The following ZNF331 variants were observed in gnomAD, a reference collection of about 807,000 sequenced individuals.
ZNF331 encodes the protein C2H2-like zinc finger protein rearranged in thyroid adenomas.
ZNF331 carries 2 observed loss-of-function variants against 7.0 expected under a neutral mutation model. The observed-to-expected ratio is 0.29, with a 90% CI of 0.12 to 0.90. The LOEUF is 0.90. Among genes scored for constraint, ZNF331 ranks in the 40% least tolerant of loss-of-function variants. The pLI, the probability that ZNF331 is intolerant of heterozygous loss-of-function variation, is 0.58. For missense variants in ZNF331, 432 were observed against 587.7 expected, an observed-to-expected ratio of 0.74 and a Z score of 2.74; for synonymous variants, 196 against 205.4, an observed-to-expected ratio of 0.95 and a Z score of 0.39.
At chr19:53,503,452 T>C in the ZNF331 span, 8 of 631,358 alleles carry the variant, frequency 1.3e-5, no homozygotes, top group Non-Finnish European at 2.3e-5. Flanking sequence ...CTTGGAATCC[T>C]GGGGATTTCT....
chr19:53,569,322 T>C lies in ZNF331; in HGVS notation c.-55T>C. 6.2e-7 allele frequency: 1 copy of C among 1,606,640 alleles called. No individual in the cohort carries two copies. Among genetic ancestry groups the C allele is most frequent in the South Asian group, 1.1e-5 (1 of 90,532 alleles). ...CCCCTAGCTCTAGCCTCTCGGAATT[T>C]GTCTTCTTCAGTGGAAACCCCGAGA... is the stretch of plus-strand genomic sequence containing the variant. On this transcript the variant is annotated 5_prime_UTR_variant, in exon 4 of 6. Transcript: ENST00000449416.
chr19:53,534,754 C>T (rs192775313), upstream of ZNF331, among the ~76,000 whole-genome samples: 81 of 152,198 alleles, frequency 5.3e-4, no homozygotes, highest in African/African-American at 1.8e-3. Flanking sequence ...GGGTAATCTC[C>T]GTATCTGAAG....
upstream of ZNF331, among the ~76,000 whole-genome samples, chr19:53,536,760 G>A (rs1280641307): frequency 1.3e-5 from 2 of 152,096 alleles, no homozygotes; most frequent in Non-Finnish European, 2.9e-5. Flanking sequence ...AAAATTAGCC[G>A]GGCGTGGTAG....
Position 53,564,031 on chromosome 19 carries a change from C to CA in ZNF331, c.-73-5249dup, listed in dbSNP as rs57538972. On this transcript the variant is annotated intron_variant, in intron 3 of 5. Transcript: ENST00000449416. ...CTGGCGACAGAGCGAGACTTCATCTCAAAAAAAAAAAAAAAAAAAAAAAAG... is the reference window on the plus strand; with the variant it reads ...CTGGCGACAGAGCGAGACTTCATCTCAAAAAAAAAAAAAAAAAAAAAAAAAG... Among the ~76,000 whole-genome samples the CA allele has an allele frequency of 6.1e-3, 461 of 75,394 alleles. 1 individual carries two copies. The highest frequency in any genetic ancestry group is 8.2e-3 in the African/African-American group (137 of 16,686). 49.5% of individuals were successfully genotyped at this position (75,394 alleles called of 152,430 possible).
At chr19:53,523,941 G>A (rs979532938) in intron 2 of ZNF331, among the ~76,000 whole-genome samples, 2 of 152,124 alleles carry the variant, frequency 1.3e-5, no homozygotes, top group African/African-American at 4.8e-5. Context: ...GGGCCCTGGT[G>A]TGTGATATTC....
At chr19:53,536,813 G>A (rs995874830), upstream of ZNF331, among the ~76,000 whole-genome samples, 1 of 152,192 alleles carries the variant, frequency 6.6e-6, no homozygotes, top group Admixed American at 6.5e-5. Flanking sequence ...TGACGCAGGA[G>A]AACCCCTTGA....
In ZNF331 at chr19:53,577,663, A is replaced by G. The variant is rs1275053580; in HGVS notation, c.1103A>G (p.Tyr368Cys). 1.9e-6 allele frequency: 3 copies of G among 1,614,118 alleles called. No homozygotes were observed. The highest frequency in any genetic ancestry group is 2.2e-5 in the East Asian group (1 of 44,856). The change falls in exon 6 of 6, where the codon TAT (tyrosine) becomes TGT (cysteine). Residue 368 changes from tyrosine (Y) to cysteine (C), a missense_variant. Physicochemically the swap from Tyr to Cys is radical, Grantham distance 194. Coordinates refer to ENST00000449416, the MANE Select transcript of ZNF331 (RefSeq NM_001079906.2). Reference sequence around the variant, plus strand: ...TGTGGGAAGGCCTTCAATTGTGGCTATCACCTCACTCAGCACGAGAGAATC... The same window carrying G: ...TGTGGGAAGGCCTTCAATTGTGGCTGTCACCTCACTCAGCACGAGAGAATC... ...TECGKAFNCG[Y>C]HLTQHERIHT...
upstream of ZNF331, among the ~76,000 whole-genome samples, chr19:53,519,605 C>T (rs371615549): frequency 2.6e-5 from 4 of 152,188 alleles, no homozygotes; most frequent in Non-Finnish European, 5.9e-5. Flanking sequence ...AATATCCTGC[C>T]GGGCAGCAAG....
the ZNF331 span, among the ~76,000 whole-genome samples, chr19:53,510,714 T>C: frequency 1.3e-5 from 2 of 152,160 alleles, no homozygotes; most frequent in African/African-American, 2.4e-5. Context: ...CAACTGAATG[T>C]ATCTATATTT....
chr19:53,555,716 G>T (rs745624852), intron 2 of ZNF331, 129 bp from the exon 3 acceptor site: 2 of 152,148 alleles, frequency 1.3e-5, no homozygotes, highest in African/African-American at 4.8e-5. Flanking sequence ...GCAGCTCCAC[G>T]CTTCATCATC....
intron 5 of ZNF331, among the ~76,000 whole-genome samples, chr19:53,574,302 C>T (rs6509795): frequency 0.1 from 15,724 of 151,398 alleles, 1,214 homozygotes; most frequent in African/African-American, 0.22. Context: ...GACAACAATA[C>T]GGAGGAAAGT....
At chr19:53,545,517 C>T (rs1399547727) in intron 2 of ZNF331, among the ~76,000 whole-genome samples, 3 of 152,316 alleles carry the variant, frequency 2.0e-5, no homozygotes, top group Non-Finnish European at 4.4e-5. Flanking sequence ...GGCATCACCC[C>T]ACTCAAGAGG....
chr19:53,544,852 GC>G (rs1453928108), intron 2 of ZNF331, among the ~76,000 whole-genome samples: 2 of 151,994 alleles, frequency 1.3e-5, no homozygotes, highest in Non-Finnish European at 2.9e-5. Context: ...TCCTGCCTCA[GC>G]CTCCTGAGTA....
chr19:53,566,047 A>T (rs2090138785), intron 3 of ZNF331, among the ~76,000 whole-genome samples: 1 of 152,156 alleles, frequency 6.6e-6, no homozygotes, highest in Non-Finnish European at 1.5e-5. Flanking sequence ...AGATGGACTC[A>T]ACAGGACTCA....
At chr19:53,568,352 A>C (rs542280784) in intron 3 of ZNF331, among the ~76,000 whole-genome samples, 58 of 152,052 alleles carry the variant, frequency 3.8e-4, no homozygotes, top group Non-Finnish European at 7.4e-4. Context: ...GCTGTCTTTG[A>C]TGTGTGACAA....
At chr19:53,513,100 T>C in the ZNF331 span, among the ~76,000 whole-genome samples, 1 of 151,492 alleles carries the variant, frequency 6.6e-6, no homozygotes, top group African/African-American at 2.4e-5. Context: ...GCTTTGGTAA[T>C]GGAAAGCTGC....
chr19:53,528,113 G>A (rs2087377901), intron 2 of ZNF331, among the ~76,000 whole-genome samples: 1 of 152,120 alleles, frequency 6.6e-6, no homozygotes, highest in East Asian at 1.9e-4. Context: ...TCTTGATTTG[G>A]TATCTCTTCT....
upstream of ZNF331, among the ~76,000 whole-genome samples, chr19:53,519,336 C>T (rs192288292): frequency 1.3e-5 from 2 of 152,294 alleles, no homozygotes; most frequent in African/African-American, 4.8e-5. Context: ...TTTCGGAAGC[C>T]CCCTGCTCTT....
chr19:53,562,186 A>G (rs1265841930), intron 3 of ZNF331, among the ~76,000 whole-genome samples: 2 of 149,342 alleles, frequency 1.3e-5, no homozygotes, highest in African/African-American at 4.8e-5. Context: ...CTAGAATTGT[A>G]ATGTTTCTTT....
Sources: gnomAD v4.1 joint callset for allele counts (sites outside exome capture counted in the v4.1 genomes callset) on GRCh38, gnomAD v4.1.1 for gene constraint, MANE v1.5 for transcripts, NCBI Gene and HGNC (gene_info 2026-07-23, HGNC 2026-07-21) for gene names.